Variants in ASXL2 observed in about 807,000 individuals in gnomAD.
The protein encoded by ASXL2 is ASXL transcriptional regulator 2, also known as putative Polycomb group protein ASXL2.
ASXL2 carries 23 observed loss-of-function variants against 122.0 expected under a neutral mutation model. That is an observed-to-expected ratio of 0.19 (90% CI 0.14 to 0.27). The LOEUF is 0.27. Ranked by LOEUF, ASXL2 falls within the 10% of genes least tolerant of loss-of-function variation. The probability of loss-of-function intolerance (pLI) is 1.00; values close to 1 mark genes in which losing one functional copy is unlikely to be tolerated. For missense variants in ASXL2, 1,518 were observed against 1,713.8 expected, an observed-to-expected ratio of 0.89 and a Z score of 2.02; for synonymous variants, 650 against 637.0, an observed-to-expected ratio of 1.02 and a Z score of -0.31.
intron 5 of ASXL2, among the ~76,000 whole-genome samples, chr2:25,781,510 T>C (rs1031101880): frequency 3.2e-4 from 48 of 152,116 alleles, no homozygotes; most frequent in African/African-American, 9.9e-4. Context: ...TGGCTGATTA[T>C]TACATATTAA....
rs140995286 is a variant in ASXL2 at position 25,772,120 on chromosome 2, A to T, written c.404-580T>A. On this transcript the variant is annotated intron_variant, in intron 5 of 12. Transcript: ENST00000435504. Reference sequence around the variant, plus strand: ...TCTACTTCATCACTAGCTGTTTTATATTGCCTGGCAGAGTTTAGCCAGATC... The same window carrying T: ...TCTACTTCATCACTAGCTGTTTTATTTTGCCTGGCAGAGTTTAGCCAGATC... Among the ~76,000 whole-genome samples the T allele has an allele frequency of 5.9e-5, 9 of 152,302 alleles. No homozygotes were observed. In the East Asian group the frequency reaches 1.7e-3, roughly 29 times the overall value.
Position 25,744,118 on chromosome 2 carries a change from G to A in ASXL2, c.2219C>T (p.Thr740Met), listed in dbSNP as rs2087899025. The A allele has an allele frequency of 1.9e-6, 3 of 1,613,798 alleles. No individual in the cohort carries two copies. The highest frequency in any genetic ancestry group is 2.5e-6 in the Non-Finnish European group (3 of 1,179,878). The change falls in exon 13 of 13, where the codon ACG becomes ATG. Residue 740 changes from threonine (T) to methionine (M), a missense_variant. Transcript: ENST00000435504. The surrounding 1 kb of genome is among the most constrained non-coding windows in gnomAD (Gnocchi z 4.7). ...TGGACCACAGGGTAAAAGCTCTCTC[G>A]TACCTCCCCTGCTTCCAGTTCCTGC... Reference protein sequence around the residue: ...ELAGTGSRGGTRELLPCGPET... With the variant: ...ELAGTGSRGGMRELLPCGPET...
chr2:25,841,307 T>C (rs1329463821), intron 2 of ASXL2, among the ~76,000 whole-genome samples: 1 of 151,992 alleles, frequency 6.6e-6, no homozygotes, highest in Non-Finnish European at 1.5e-5. Context: ...GAGAAAAAAG[T>C]GCCATTTGAC....
chr2:25,783,073 G>A (rs2088672831), intron 5 of ASXL2, among the ~76,000 whole-genome samples: 2 of 152,152 alleles, frequency 1.3e-5, no homozygotes, highest in African/African-American at 4.8e-5. Flanking sequence ...AGGCTGCAGT[G>A]AGCCAAGATC....
intron 1 of ASXL2, among the ~76,000 whole-genome samples, chr2:25,862,390 A>G (rs2089850406): frequency 6.6e-6 from 1 of 152,228 alleles, no homozygotes; most frequent in Non-Finnish European, 1.5e-5. Flanking sequence ...CAAAAGTATG[A>G]TGGTACATAT....
intron 1 of ASXL2, among the ~76,000 whole-genome samples, chr2:25,850,544 G>A (rs1188480491): frequency 2.0e-5 from 3 of 152,230 alleles, no homozygotes; most frequent in African/African-American, 7.2e-5. Flanking sequence ...AAACTTCATA[G>A]GCTTATGGTA....
intron 3 of ASXL2, among the ~76,000 whole-genome samples, chr2:25,829,688 C>T (rs1265384555): frequency 1.3e-5 from 2 of 152,130 alleles, no homozygotes; most frequent in East Asian, 1.9e-4. Context: ...AGAGAAGTAA[C>T]TTAGTTATGG....
chr2:25,744,939 AC>A lies in ASXL2; in HGVS notation c.1861-464del, dbSNP rs2087915695. On this transcript the variant is annotated intron_variant, in intron 12 of 12. Transcript: ENST00000435504. The surrounding 1 kb of genome is among the most constrained non-coding windows in gnomAD (Gnocchi z 4.7). ...AAATACTTGCTCTTCTCTGTTCCACACACACACACACACACACACACACACA... is the reference window on the plus strand; with the variant it reads ...AAATACTTGCTCTTCTCTGTTCCACAACACACACACACACACACACACACA... Among the ~76,000 whole-genome samples, 1 of 37,224 alleles carries A rather than the reference AC, an allele frequency of 2.7e-5. No individual in the cohort carries two copies. Among genetic ancestry groups the A allele is most frequent in the African/African-American group, 8.5e-5 (1 of 11,816 alleles). The allele number at this position is 37,224 out of a possible 152,430, so 24.4% of individuals were successfully genotyped here.
intron 3 of ASXL2, among the ~76,000 whole-genome samples, chr2:25,824,565 A>G (rs773581176): frequency 2.6e-5 from 4 of 152,196 alleles, no homozygotes; most frequent in Admixed American, 1.3e-4. Flanking sequence ...AAAAACTGTT[A>G]GCCATATTTG....
chr2:25,816,757 C>CA (rs906238720), intron 3 of ASXL2, among the ~76,000 whole-genome samples: 11 of 151,982 alleles, frequency 7.2e-5, no homozygotes, highest in Non-Finnish European at 1.2e-4. Context: ...CAAAAGACAG[C>CA]AAAAAAAGTT....
At chr2:25,869,943 G>C (rs1406313917) in intron 1 of ASXL2, among the ~76,000 whole-genome samples, 1 of 150,830 alleles carries the variant, frequency 6.6e-6, no homozygotes, top group Non-Finnish European at 1.5e-5. Context: ...ACATTGAAAA[G>C]AATAAGGCAT....
At chr2:25,862,337 T>G (rs2149200381) in intron 1 of ASXL2, among the ~76,000 whole-genome samples, 1 of 152,240 alleles carries the variant, frequency 6.6e-6, no homozygotes, top group East Asian at 1.9e-4. Flanking sequence ...ACTAAGGAGC[T>G]TCACTTATAT....
intron 1 of ASXL2, among the ~76,000 whole-genome samples, chr2:25,848,483 C>T (rs1438865299): frequency 6.6e-6 from 1 of 151,954 alleles, no homozygotes; most frequent in East Asian, 1.9e-4. Context: ...AGTAGCTGGG[C>T]GTGGTGGCGG....
chr2:25,756,212 ATTTAT>A (rs2088129927), intron 9 of ASXL2, 98 bp from the exon 10 acceptor site: 2 of 529,826 alleles, frequency 3.8e-6, no homozygotes, highest in Non-Finnish European at 3.1e-6. Flanking sequence ...ATGTATATAT[ATTTAT>A]TTTAATAGAA....
intron 3 of ASXL2, among the ~76,000 whole-genome samples, chr2:25,823,598 T>C (rs1218388744): frequency 6.6e-6 from 1 of 152,234 alleles, no homozygotes; most frequent in African/African-American, 2.4e-5. Context: ...TTACATCTCT[T>C]AGCACGGAAG....
At chr2:25,749,638 G>T in intron 12 of ASXL2, 58 bp downstream of exon 12, 2 of 1,376,872 alleles carry the variant, frequency 1.5e-6, no homozygotes, top group South Asian at 3.5e-5. Context: ...TAGTAGGTAT[G>T]ACCAAAAACA....
rs992401815 is a variant in ASXL2 at position 25,744,762 on chromosome 2, T to A, written c.1861-286A>T. 3.9e-5 allele frequency among the ~76,000 whole-genome samples: 6 copies of A among 152,170 alleles called. No homozygotes were observed. The highest frequency in any genetic ancestry group is 8.8e-5 in the Non-Finnish European group (6 of 68,008). On this transcript the variant is annotated intron_variant, in intron 12 of 12. Coordinates refer to ENST00000435504, the MANE Select transcript of ASXL2 (RefSeq NM_018263.6). The surrounding 1 kb of genome is among the most constrained non-coding windows in gnomAD (Gnocchi z 4.7). ...CTCAACTCCCTCCTAATGCCACTAT[T>A]ACAAGTGCTTATTATGATACAAAGT...
intron 3 of ASXL2, among the ~76,000 whole-genome samples, chr2:25,826,995 A>AT (rs34208753): frequency 0.06 from 7,604 of 127,326 alleles, 247 homozygotes; most frequent in Non-Finnish European, 0.072. Context: ...ACAGCTAATA[A>AT]TTTTTTTTTT....
chr2:25,781,293 G>A (rs1272417049), intron 5 of ASXL2, among the ~76,000 whole-genome samples: 1 of 152,028 alleles, frequency 6.6e-6, no homozygotes, highest in East Asian at 1.9e-4. Flanking sequence ...CAACACTTTG[G>A]GAGGTCGCAG....
Sources: allele counts gnomAD v4.1 joint callset (sites outside exome capture counted in the v4.1 genomes callset), GRCh38; gene constraint gnomAD v4.1.1; non-coding constraint Gnocchi (gnomAD v3.1); transcripts MANE v1.5; gene names NCBI Gene and HGNC (gene_info 2026-07-23, HGNC 2026-07-21).